Variants in MYOM3 observed in about 807,000 individuals in gnomAD.
MYOM3 encodes myomesin-3.
In MYOM3, 155 loss-of-function variants were observed where a neutral mutation model predicts 191.7. That is an observed-to-expected ratio of 0.81 (90% CI 0.71 to 0.92). The LOEUF is 0.92. Ranked by LOEUF, MYOM3 falls within the 40% of genes least tolerant of loss-of-function variation. The pLI is 0.00. For synonymous variants in MYOM3, 757 were observed against 762.9 expected (o/e 0.99, Z 0.13); for missense variants, 1,889 against 1,890.6 (o/e 1.00, Z 0.02).
At chr1:24,058,226 C>T (rs1237265193) in intron 36 of MYOM3, among the ~76,000 whole-genome samples, 1 of 152,174 alleles carries the variant, frequency 6.6e-6, no homozygotes, top group African/African-American at 2.4e-5. Flanking sequence ...ATATATATGT[C>T]ACTACGATTT....
At chr1:24,093,711 C>T (rs1222551853) in intron 9 of MYOM3, among the ~76,000 whole-genome samples, 2 of 151,466 alleles carry the variant, frequency 1.3e-5, no homozygotes, top group Non-Finnish European at 2.9e-5. Context: ...GTGAAGGATC[C>T]GCCCTCCATT....
chr1:24,063,012 GGGACCAGAAACTCTGCTTGGA>G lies in MYOM3; in HGVS notation c.3770+93_3770+113del, dbSNP rs1460324914. ...ACCCCTGGGACCAGGCTCTGCTTGG[GGGACCAGAAACTCTGCTTGGA>G]GGACCAGGCAGGGAGAAGGGAGGGA... On this transcript the variant is annotated intron_variant, in intron 32 of 36. Transcript: ENST00000374434. The surrounding 1 kb of genome is among the most constrained non-coding windows in gnomAD (Gnocchi z 4.5). 7 of 632,450 alleles carry G rather than the reference GGGACCAGAAACTCTGCTTGGA, an allele frequency of 1.1e-5. No homozygotes were observed. Among genetic ancestry groups the G allele is most frequent in the South Asian group, 7.0e-5 (4 of 56,858 alleles). 39.2% of individuals were successfully genotyped at this position (632,450 alleles called of 1,614,324 possible).
intron 35 of MYOM3, among the ~76,000 whole-genome samples, chr1:24,060,770 A>G (rs1423704141): frequency 6.6e-6 from 1 of 152,162 alleles, no homozygotes; most frequent in African/African-American, 2.4e-5. Context: ...TCACTCGGGA[A>G]GGCCTGCCCA....
Position 24,081,568 on chromosome 1 carries a change from A to C in MYOM3, c.2281-112T>G, listed in dbSNP as rs529242228. On this transcript the variant is annotated intron_variant, in intron 18 of 36. Coordinates refer to ENST00000374434, the MANE Select transcript of MYOM3 (RefSeq NM_152372.4). ...GGTGGTCTGTGGGGGCTTTGCTTTTATTTTTATTTTTTGAGACATGGTCTC... is the reference window on the plus strand; with the variant it reads ...GGTGGTCTGTGGGGGCTTTGCTTTTCTTTTTATTTTTTGAGACATGGTCTC... 6.3e-4 allele frequency: 815 copies of C among 1,295,300 alleles called. 2 individuals are homozygous for C. The highest frequency in any genetic ancestry group is 1.4e-3 in the Admixed American group (55 of 40,646). The allele number at this position is 1,295,300 out of a possible 1,614,324, so 80.2% of individuals were successfully genotyped here. A position where few individuals can be genotyped will look rare whatever the true frequency, so the allele number is the denominator to read the frequency against.
At position 24,071,234 on chromosome 1, in the gene MYOM3, G is replaced by C. The variant is rs1315304896; in HGVS notation, c.3033C>G (p.Gly1011=). The C allele has an allele frequency of 1.4e-5, 22 of 1,613,372 alleles. No individual in the cohort carries two copies. The highest frequency in any genetic ancestry group is 1.7e-5 in the Non-Finnish European group (20 of 1,179,752). The change falls in exon 25 of 37, where the codon GGC becomes GGG. Residue 1011 remains glycine, a synonymous_variant. Transcript: ENST00000374434. ...CTCGCTCCAGGATGTCAATGTTCCA[G>C]CCGGAGATCAGTTTGATCACTGGGA... ...IRNPVIKLIS[G]WNIDILERGE...
rs549253334 is a variant in MYOM3, at chr1:24,071,091, T to G, written c.3150+26A>C. 60 of 1,611,226 alleles carry G rather than the reference T, an allele frequency of 3.7e-5. No homozygotes were observed. In the East Asian group the frequency reaches 7.8e-4, roughly 21 times the overall value. ...CACCTCCCCGGCAGGGGAGCCTCAC[T>G]TCAGGGATTGTGAGCACCCAATTAC... On this transcript the variant is annotated intron_variant, in intron 25 of 36. Transcript: ENST00000374434.
In MYOM3 at chr1:24,068,342, T is replaced by A; in HGVS notation, c.3176A>T (p.Glu1059Val). ...SPNRKINFDREKGLVEVIIQN... is the reference protein window; with the variant it reads ...SPNRKINFDRVKGLVEVIIQN... The stretch of plus-strand genomic sequence containing the variant: ...GATGATCACTTCCACCAGGCCCTTC[T>A]CTCGGTCAAAATTGATTTTGCGGTT... The change falls in exon 26 of 37, where the codon GAG (glutamate) becomes GTG (valine). Residue 1059 changes from glutamate to valine, a missense_variant. Glu to Val is a moderately radical substitution (Grantham distance 121). Coordinates refer to ENST00000374434, the MANE Select transcript of MYOM3 (RefSeq NM_152372.4). 3 of 1,614,140 alleles carry A rather than the reference T, an allele frequency of 1.9e-6. No homozygotes were observed. Among genetic ancestry groups the A allele is most frequent in the Non-Finnish European group, 2.5e-6 (3 of 1,179,986 alleles).
In MYOM3 at chr1:24,082,200, T is replaced by C; in HGVS notation, c.2093-12A>G. The C allele has an allele frequency of 6.3e-7, 1 of 1,594,018 alleles. No individual in the cohort carries two copies. The highest frequency in any genetic ancestry group is 8.5e-7 in the Non-Finnish European group (1 of 1,170,056). On this transcript the variant is annotated splice_polypyrimidine_tract_variant and intron_variant, in intron 17 of 36. Transcript: ENST00000374434. Reference sequence around the variant, plus strand: ...GGCAGACGGGGTAGCTACAGGGAGGTAAGGAGGTGAGGACAGCTGCTCCCT... The same window carrying C: ...GGCAGACGGGGTAGCTACAGGGAGGCAAGGAGGTGAGGACAGCTGCTCCCT...
chr1:24,089,615 G>T lies in MYOM3; in HGVS notation c.1537C>A (p.Arg513=). Residue 513 remains arginine (R), a synonymous_variant, in exon 14 of 37, where the codon CGA becomes AGA. Transcript: ENST00000374434. ...CAGGCCAGAACCACATAGGCCTCTC[G>T]GATCTCGCTGGCATGGACATTGGTT... ...PPTNVHASEI[R]EAYVVLAWEE... 6.3e-7 allele frequency: 1 copy of T among 1,594,494 alleles called. No individual in the cohort carries two copies. The highest frequency in any genetic ancestry group is 8.5e-7 in the Non-Finnish European group (1 of 1,170,810).
chr1:24,101,205 G>A lies in MYOM3; in HGVS notation c.561-1430C>T, dbSNP rs79058412. 3.2e-3 allele frequency among the ~76,000 whole-genome samples: 480 copies of A among 152,246 alleles called. 4 individuals carry two copies. The highest frequency in any genetic ancestry group is 0.011 in the African/African-American group (440 of 41,530). ...GGTGCCGGCGGCTGTCTCACATGCC[G>A]AAGTTCAGGGCTGCCTCTCCAGTAG... On this transcript the variant is annotated intron_variant, in intron 5 of 36. Coordinates refer to ENST00000374434, the MANE Select transcript of MYOM3 (RefSeq NM_152372.4).
intron 33 of MYOM3, 48 bp from the exon 34 acceptor site, chr1:24,061,357 CT>C (rs1271912205): frequency 6.3e-7 from 1 of 1,591,572 alleles, no homozygotes; most frequent in South Asian, 1.1e-5. Context: ...CCTCTGCTGT[CT>C]GATGATGGGG....
intron 15 of MYOM3, among the ~76,000 whole-genome samples, chr1:24,085,433 A>G (rs886949779): frequency 1.3e-5 from 2 of 152,218 alleles, no homozygotes; most frequent in Non-Finnish European, 2.9e-5. Context: ...TGGCAGGTGC[A>G]TGATCTTCCT....
chr1:24,099,632 C>T (rs754584710), intron 6 of MYOM3, 48 bp downstream of exon 6: 18 of 1,456,618 alleles, frequency 1.2e-5, no homozygotes, highest in Middle Eastern at 1.7e-4. Context: ...CTGGCCTCGG[C>T]GGTGGCAGGG....
Position 24,095,472 on chromosome 1 carries a change from C to T in MYOM3, c.760G>A (p.Asp254Asn). ...AAGATCTCTGAATCGAAGCCAGCAT[C>T]CTTCCCCAGGTAAGCTGAAAAACCA... ...KVLVRTYLGKDAGFDSEIFKR... is the reference protein window; with the variant it reads ...KVLVRTYLGKNAGFDSEIFKR... The change falls in exon 8 of 37, where the codon GAT becomes AAT. Residue 254 changes from aspartate to asparagine, a missense_variant. Asp to Asn is a conservative substitution (Grantham distance 23). Coordinates refer to ENST00000374434, the MANE Select transcript of MYOM3 (RefSeq NM_152372.4). The T allele has an allele frequency of 6.2e-7, 1 of 1,613,038 alleles. No homozygotes were observed. The highest frequency in any genetic ancestry group is 8.5e-7 in the Non-Finnish European group (1 of 1,179,370).
intron 28 of MYOM3, chr1:24,066,570 C>T: frequency 2.6e-6 from 1 of 386,040 alleles, no homozygotes. Flanking sequence ...GGCTCTCCCT[C>T]TTACCGTGTG....
chr1:24,057,112 C>A lies in MYOM3; in HGVS notation c.*252G>T. ...AGATGCCAGTACTGTTAGATAGCCC[C>A]AGTGCATCCGGGTCTCCTACTCCAG... On this transcript the variant is annotated 3_prime_UTR_variant, in exon 37 of 37. Coordinates refer to ENST00000374434, the MANE Select transcript of MYOM3 (RefSeq NM_152372.4). 1 of 541,146 alleles carries A rather than the reference C, an allele frequency of 1.8e-6. No homozygotes were observed. The allele number at this position is 541,146 out of a possible 1,614,324, so 33.5% of individuals were successfully genotyped here. A position where few individuals can be genotyped will look rare whatever the true frequency, so the allele number is the denominator to read the frequency against.
Position 24,090,131 on chromosome 1 carries a change from G to C in MYOM3, c.1433-13C>G. The C allele has an allele frequency of 1.2e-6, 2 of 1,610,432 alleles. No homozygotes were observed. The highest frequency in any genetic ancestry group is 1.7e-6 in the Non-Finnish European group (2 of 1,176,704). On this transcript the variant is annotated splice_polypyrimidine_tract_variant and intron_variant, in intron 12 of 36. Transcript: ENST00000374434. ...TCAAAGGGGATCTCTAGGATGAGAAGGGAGCATGGGAGGGTGGGGGGTGGC... is the reference window on the plus strand; with the variant it reads ...TCAAAGGGGATCTCTAGGATGAGAACGGAGCATGGGAGGGTGGGGGGTGGC...
chr1:24,076,094 G>T lies in MYOM3; in HGVS notation c.2701+65C>A. 3 of 1,333,610 alleles carry T rather than the reference G, an allele frequency of 2.2e-6. No homozygotes were observed. In the South Asian group the frequency reaches 3.5e-5, roughly 16 times the overall value. The allele number at this position is 1,333,610 out of a possible 1,614,324, so 82.6% of individuals were successfully genotyped here. On this transcript the variant is annotated intron_variant, in intron 21 of 36. Coordinates refer to ENST00000374434, the MANE Select transcript of MYOM3 (RefSeq NM_152372.4). ...CATCAGGCTTCTCCCAACTTCCCTT[G>T]AACTCCACCCGTCCCCAGTGGCGTA... is the stretch of plus-strand genomic sequence containing the variant.
At position 24,065,969 on chromosome 1, in the gene MYOM3, C is replaced by T; in HGVS notation, c.3456G>A (p.Gln1152=). ...GCATCTCTGCCCTCTGGAAGAACCA[C>T]TGAAAGCGAGTCTCCTTCTTGGTGT... The part of the protein sequence containing the change: ...VTNTKKETRF[Q]WFFQRAEMPD... Residue 1152 remains glutamine, a synonymous_variant, in exon 29 of 37, where the codon CAG becomes CAA. Coordinates refer to ENST00000374434, the MANE Select transcript of MYOM3 (RefSeq NM_152372.4). 1 of 1,614,172 alleles carries T rather than the reference C, an allele frequency of 6.2e-7. No individual in the cohort carries two copies. The highest frequency in any genetic ancestry group is 1.7e-5 in the Admixed American group (1 of 60,022).
Sources: gnomAD v4.1 joint callset for allele counts (sites outside exome capture counted in the v4.1 genomes callset) on GRCh38, gnomAD v4.1.1 for gene constraint, Gnocchi (gnomAD v3.1) non-coding constraint, MANE v1.5 for transcripts, NCBI Gene and HGNC (gene_info 2026-07-23, HGNC 2026-07-21) for gene names.